Variants in ZDHHC15 observed in about 807,000 individuals in gnomAD.
The protein encoded by ZDHHC15 is palmitoyltransferase ZDHHC15.
ZDHHC15 carries 19 observed loss-of-function variants against 31.7 expected under a neutral mutation model. The observed-to-expected ratio is 0.60, with a 90% CI of 0.42 to 0.88. The LOEUF (loss-of-function observed/expected upper bound fraction) is 0.88, where lower values mean the gene tolerates loss of function less well. Among genes scored for constraint, ZDHHC15 ranks in the 40% least tolerant of loss-of-function variants. The pLI is 0.00. For synonymous variants in ZDHHC15, 103 were observed against 90.0 expected, an observed-to-expected ratio of 1.14 and a Z score of -0.82; for missense variants, 209 against 251.2, an observed-to-expected ratio of 0.83 and a Z score of 1.14.
intron 3 of ZDHHC15, among the ~76,000 whole-genome samples, chrX:75,460,873 G>T (rs1314214605): frequency 1.8e-5 from 2 of 112,146 alleles, no homozygotes; most frequent in African/African-American, 6.5e-5. Context: ...ACGCCAGAGT[G>T]TCTCTATTCC....
chrX:75,424,827 C>A, intron 7 of ZDHHC15, 43 bp from the exon 8 acceptor site: 3 of 1,137,256 alleles, frequency 2.6e-6, no homozygotes, highest in Non-Finnish European at 3.5e-6. Flanking sequence ...AAAGTGGAAA[C>A]GGATGGCTAG....
chrX:75,431,593 C>T, intron 4 of ZDHHC15, 73 bp from the exon 5 acceptor site: 1 of 953,253 alleles, frequency 1.0e-6, no homozygotes, highest in Non-Finnish European at 1.4e-6. Context: ...ACTAGCTTAT[C>T]TGGATGACTT....
chrX:75,407,525 C>G (rs1480048404), intron 10 of ZDHHC15, among the ~76,000 whole-genome samples: 1 of 111,506 alleles, frequency 9.0e-6, no homozygotes, highest in Admixed American at 9.3e-5. Context: ...CCCGCCCGGC[C>G]AGCCGCCCCG....
intron 10 of ZDHHC15, among the ~76,000 whole-genome samples, chrX:75,409,449 C>G (rs1300171837): frequency 1.2e-5 from 1 of 84,918 alleles, no homozygotes; most frequent in East Asian, 4.3e-4. Context: ...GATTGTGCCA[C>G]TACACTCCAG....
chrX:75,494,785 A>G (rs1243185359), intron 2 of ZDHHC15, among the ~76,000 whole-genome samples: 1 of 112,487 alleles, frequency 8.9e-6, no homozygotes, highest in African/African-American at 3.2e-5. Context: ...AATTAATTCA[A>G]GATGGATTAA....
chrX:75,423,796 G>A (rs896093242), intron 8 of ZDHHC15, among the ~76,000 whole-genome samples: 5 of 108,321 alleles, frequency 4.6e-5, no homozygotes, highest in East Asian at 2.9e-4. Context: ...CATCATGTAC[G>A]GCCAATAGAT....
chrX:75,407,822 T>C (rs1203852332), intron 10 of ZDHHC15, among the ~76,000 whole-genome samples: 1 of 112,479 alleles, frequency 8.9e-6, no homozygotes, highest in African/African-American at 3.2e-5. Context: ...GTTGTCTGTG[T>C]AGAAAGAAGT....
Position 75,404,937 on chromosome X carries a change from C to T in ZDHHC15, c.967+12150G>A, listed in dbSNP as rs1333106995. Among the ~76,000 whole-genome samples the T allele has an allele frequency of 4.5e-5, 5 of 112,037 alleles. No homozygotes were observed. The Admixed American group carries it at 4.7e-4, about 11-fold the overall frequency. ...AAAGACACATGCACACAAATGTTCA[C>T]TGCAGCACTGTTCACAATAGCAAAG... On this transcript the variant is annotated intron_variant, in intron 10 of 11. Coordinates refer to ENST00000373367, the MANE Select transcript of ZDHHC15 (RefSeq NM_144969.3).
At chrX:75,444,523 C>T (rs1159529352) in intron 4 of ZDHHC15, among the ~76,000 whole-genome samples, 7 of 101,748 alleles carry the variant, frequency 6.9e-5, no homozygotes, top group African/African-American at 2.2e-4. Flanking sequence ...ATGTAAATGG[C>T]GAGTTAATGG....
At chrX:75,516,021 T>A (rs2085350788) in intron 1 of ZDHHC15, among the ~76,000 whole-genome samples, 2 of 111,165 alleles carry the variant, frequency 1.8e-5, no homozygotes, top group African/African-American at 6.5e-5. Context: ...GGAATCCAAC[T>A]TACAAGGGAT....
At chrX:75,504,525 C>G (rs1325925704) in intron 2 of ZDHHC15, among the ~76,000 whole-genome samples, 1 of 110,628 alleles carries the variant, frequency 9.0e-6, no homozygotes, top group Non-Finnish European at 1.9e-5. Flanking sequence ...TAATCATCAC[C>G]CCATCCCTGG....
chrX:75,510,683 G>A (rs1488677621), intron 1 of ZDHHC15, among the ~76,000 whole-genome samples: 2 of 84,195 alleles, frequency 2.4e-5, no homozygotes, highest in African/African-American at 4.3e-5. Flanking sequence ...CCACTAACGT[G>A]TCATCTAGCA....
chrX:75,503,756 GACC>G (rs1569367104), intron 2 of ZDHHC15, among the ~76,000 whole-genome samples: 2 of 111,417 alleles, frequency 1.8e-5, no homozygotes, highest in African/African-American at 6.5e-5. Flanking sequence ...GGTAATAAAT[GACC>G]ACAAGCTGGG....
chrX:75,392,532 T>C (rs911877906), intron 10 of ZDHHC15, among the ~76,000 whole-genome samples: 1 of 112,034 alleles, frequency 8.9e-6, no homozygotes, highest in Non-Finnish European at 1.9e-5. Flanking sequence ...CTTGAACCCA[T>C]ACACATCTCC....
At chrX:75,385,248 T>C (rs986677634) in intron 10 of ZDHHC15, among the ~76,000 whole-genome samples, 10 of 111,634 alleles carry the variant, frequency 9.0e-5, no homozygotes, top group Middle Eastern at 4.2e-3. Flanking sequence ...GTATATAGGA[T>C]GTACTTGGAG....
chrX:75,454,979 G>A (rs1029577588), intron 3 of ZDHHC15, among the ~76,000 whole-genome samples: 8 of 111,037 alleles, frequency 7.2e-5, no homozygotes, highest in African/African-American at 9.8e-5. Context: ...TCCCCATCAA[G>A]CTACCAATGA....
chrX:75,520,571 A>G (rs1266247402), intron 1 of ZDHHC15, among the ~76,000 whole-genome samples: 2 of 111,521 alleles, frequency 1.8e-5, no homozygotes, highest in Non-Finnish European at 3.8e-5. Flanking sequence ...AAACTCCAAA[A>G]TAAGTTGTTT....
intron 2 of ZDHHC15, among the ~76,000 whole-genome samples, chrX:75,497,235 A>G (rs778719571): frequency 1.3e-4 from 15 of 111,728 alleles, no homozygotes; most frequent in Non-Finnish European, 2.3e-4. Flanking sequence ...GAAAACCTAG[A>G]GGAGATGGAT....
chrX:75,444,432 C>T (rs1208181582), intron 4 of ZDHHC15, among the ~76,000 whole-genome samples: 4 of 84,017 alleles, frequency 4.8e-5, no homozygotes, highest in Non-Finnish European at 8.7e-5. Context: ...AACACTTGGA[C>T]ACAGGAAGGG....
Sources: allele counts gnomAD v4.1 joint callset (sites outside exome capture counted in the v4.1 genomes callset), GRCh38; gene constraint gnomAD v4.1.1; transcripts MANE v1.5; gene names NCBI Gene and HGNC (gene_info 2026-07-23, HGNC 2026-07-21).